ANKRD17: variants seen among roughly 807,000 people sequenced by gnomAD.
ANKRD17 encodes ankyrin repeat domain 17, also known as ankyrin repeat domain-containing protein 17.
A neutral mutation model predicts 229.7 loss-of-function variants in ANKRD17; 19 were observed. The ratio of observed to expected loss-of-function variants is 0.08; its 90% CI spans 0.06 to 0.12. The LOEUF (loss-of-function observed/expected upper bound fraction) is 0.12. ANKRD17 is among the 10% of genes least tolerant of loss of function. ANKRD17 has a pLI of 1.00. For missense variants in ANKRD17, 2,176 were observed against 3,176.8 expected, an observed-to-expected ratio of 0.68 and a Z score of 7.57; for synonymous variants, 1,112 against 1,146.1, an observed-to-expected ratio of 0.97 and a Z score of 0.60.
chr4:73,125,745 A>AAAAGG (rs1553918526), intron 16 of ANKRD17, among the ~76,000 whole-genome samples: 1 of 144,416 alleles, frequency 6.9e-6, no homozygotes, highest in Non-Finnish European at 1.5e-5. Context: ...AAAAAAAAAA[A>AAAAGG]AAAAGAAAAG....
At chr4:73,204,926 T>C (rs1488656639) in intron 1 of ANKRD17, among the ~76,000 whole-genome samples, 1 of 151,976 alleles carries the variant, frequency 6.6e-6, no homozygotes, top group Admixed American at 6.6e-5. Context: ...AAAATACTTT[T>C]TTTGTGAGTA....
rs1722714255 is a variant in ANKRD17 at position 73,090,723 on chromosome 4, G to A, written c.6905C>T (p.Thr2302Ile). Residue 2302 changes from threonine to isoleucine, a missense_variant, in exon 29 of 34, where the codon ACT becomes ATT. This residue lies in a region of ANKRD17 where 424 missense variants were observed against 454.0 expected (regional missense o/e 0.93). Coordinates refer to ENST00000358602, the MANE Select transcript of ANKRD17 (RefSeq NM_032217.5). ...PNSDPLHQSDTSKAPGFRPPL... is the reference protein window; with the variant it reads ...PNSDPLHQSDISKAPGFRPPL... ...TGGTCTAAAACCTGGAGCTTTGGAA[G>A]TATCAGACTGATGTAAAGGATCTGA... is the stretch of plus-strand genomic sequence containing the variant. 6.2e-7 allele frequency: 1 copy of A among 1,614,182 alleles called. No individual in the cohort carries two copies. Among genetic ancestry groups the A allele is most frequent in the Non-Finnish European group, 8.5e-7 (1 of 1,180,026 alleles).
At chr4:73,188,509 C>T (rs1428996206) in intron 1 of ANKRD17, among the ~76,000 whole-genome samples, 1 of 151,866 alleles carries the variant, frequency 6.6e-6, no homozygotes, top group African/African-American at 2.4e-5. Context: ...TGCTTGAACC[C>T]GGGAGGCAGA....
chr4:73,133,472 C>T (rs1728501966), intron 16 of ANKRD17, among the ~76,000 whole-genome samples: 1 of 145,560 alleles, frequency 6.9e-6, no homozygotes, highest in African/African-American at 2.5e-5. Flanking sequence ...CTCACTGCAA[C>T]CTCCATCTCC....
chr4:73,171,218 A>AGAGAGG (rs1560646272), intron 2 of ANKRD17, among the ~76,000 whole-genome samples: 1 of 150,650 alleles, frequency 6.6e-6, no homozygotes, highest in African/African-American at 2.5e-5. Flanking sequence ...AGAGAGAGAG[A>AGAGAGG]GAGACTGAGA....
chr4:73,208,580 C>T (rs1211627213), intron 1 of ANKRD17, among the ~76,000 whole-genome samples: 1 of 152,132 alleles, frequency 6.6e-6, no homozygotes, highest in Admixed American at 6.6e-5. Context: ...TACCATAATA[C>T]AGCACAAGCA....
intron 2 of ANKRD17, among the ~76,000 whole-genome samples, chr4:73,172,879 G>C (rs1441054668): frequency 1.3e-5 from 2 of 152,068 alleles, no homozygotes; most frequent in Non-Finnish European, 2.9e-5. Context: ...TCACTGAAAG[G>C]CAGGAAGGAA....
intron 1 of ANKRD17, among the ~76,000 whole-genome samples, chr4:73,250,055 T>C (rs1370964365): frequency 3.3e-5 from 5 of 152,146 alleles, no homozygotes; most frequent in Admixed American, 1.3e-4. Flanking sequence ...AGATGTAGCA[T>C]AGCATTATTT....
chr4:73,109,535 C>A (rs748693968), intron 24 of ANKRD17, among the ~76,000 whole-genome samples: 4 of 152,012 alleles, frequency 2.6e-5, no homozygotes, highest in Non-Finnish European at 5.9e-5. Context: ...AGGTCACCTA[C>A]TGAAGGTGAA....
intron 1 of ANKRD17, among the ~76,000 whole-genome samples, chr4:73,256,972 CT>C (rs1745508574): frequency 1.3e-5 from 2 of 152,146 alleles, no homozygotes; most frequent in Non-Finnish European, 2.9e-5. Context: ...GTGTCAAATC[CT>C]TTAAAAGGTA....
chr4:73,125,114 T>C lies in ANKRD17; in HGVS notation c.3347-56A>G, dbSNP rs185752884. On this transcript the variant is annotated intron_variant, in intron 17 of 33. Coordinates refer to ENST00000358602, the MANE Select transcript of ANKRD17 (RefSeq NM_032217.5). ...TGCTAAGGCAAAAGAACAAAATATCTGACCTTCAAAATAGGACTAAAAAAT... is the reference window on the plus strand; with the variant it reads ...TGCTAAGGCAAAAGAACAAAATATCCGACCTTCAAAATAGGACTAAAAAAT... The C allele has an allele frequency of 2.1e-5, 33 of 1,602,708 alleles. No individual in the cohort carries two copies. The Admixed American group carries it at 4.8e-4, about 23-fold the overall frequency.
At chr4:73,158,232 C>G (rs1732034781) in intron 3 of ANKRD17, among the ~76,000 whole-genome samples, 1 of 134,646 alleles carries the variant, frequency 7.4e-6, no homozygotes, top group Non-Finnish European at 1.6e-5. Context: ...CATTCCTCTA[C>G]TCAGAACCCT....
Position 73,154,057 on chromosome 4 carries a change from G to A in ANKRD17, c.1057C>T (p.Leu353Phe), listed in dbSNP as rs766658186. 1 of 1,611,918 alleles carries A rather than the reference G, an allele frequency of 6.2e-7. No individual in the cohort carries two copies. The highest frequency in any genetic ancestry group is 8.5e-7 in the Non-Finnish European group (1 of 1,179,104). Residue 353 changes from leucine (L) to phenylalanine (F), a missense_variant, in exon 6 of 34, where the codon CTC becomes TTC. This residue lies in a region of ANKRD17 where 184 missense variants were observed against 357.8 expected (regional missense o/e 0.51). Coordinates refer to ENST00000358602, the MANE Select transcript of ANKRD17 (RefSeq NM_032217.5). The part of the protein sequence containing the change: ...AGGYVDVVKV[L>F]LESGASIEDH... ...TCAATACTAGCACCGGATTCCAAGA[G>A]CACCTTTACAACATCTACATAGCCT...
At chr4:73,235,512 C>T (rs1578485892) in intron 1 of ANKRD17, among the ~76,000 whole-genome samples, 1 of 152,298 alleles carries the variant, frequency 6.6e-6, no homozygotes, top group African/African-American at 2.4e-5. Context: ...AATATAATAA[C>T]ATCTGTTCCC....
chr4:73,225,013 A>G (rs6858428), intron 1 of ANKRD17, among the ~76,000 whole-genome samples: 3,802 of 152,290 alleles, frequency 0.025, 147 homozygotes, highest in African/African-American at 0.087. Context: ...AAATGACACT[A>G]TGTTTTACCT....
intron 1 of ANKRD17, among the ~76,000 whole-genome samples, chr4:73,183,896 A>G (rs1735919245): frequency 6.6e-6 from 1 of 152,216 alleles, no homozygotes; most frequent in Non-Finnish European, 1.5e-5. Context: ...ATTATTTAAC[A>G]GTAATATTAC....
intron 1 of ANKRD17, among the ~76,000 whole-genome samples, chr4:73,180,426 T>C (rs1057110332): frequency 6.6e-6 from 1 of 152,172 alleles, no homozygotes; most frequent in African/African-American, 2.4e-5. Flanking sequence ...AAGTCCCCTA[T>C]GCCACAGATA....
rs772069706 is a variant in ANKRD17 at position 73,155,973 on chromosome 4, A to G, written c.852+46T>C. On this transcript the variant is annotated intron_variant, in intron 4 of 33. Transcript: ENST00000358602. ...TTATTATTTCCTTAGTAAGCAAGCC[A>G]GTTTTTAAAAAAACAACAAATAAGC... 3.3e-6 allele frequency: 5 copies of G among 1,534,282 alleles called. No homozygotes were observed. The South Asian group carries it at 5.2e-5, about 16-fold the overall frequency.
At chr4:73,194,897 T>C (rs551999703) in intron 1 of ANKRD17, among the ~76,000 whole-genome samples, 2 of 152,280 alleles carry the variant, frequency 1.3e-5, no homozygotes, top group South Asian at 4.1e-4. Context: ...ATACATACTT[T>C]ATTAGATATA....
Sources: gnomAD v4.1 joint callset for allele counts (sites outside exome capture counted in the v4.1 genomes callset) on GRCh38, gnomAD v4.1.1 for gene constraint, gnomAD v4.1.1 regional missense constraint, MANE v1.5 for transcripts, NCBI Gene and HGNC (gene_info 2026-07-23, HGNC 2026-07-21) for gene names.